KALRN: variants seen among roughly 807,000 people sequenced by gnomAD.
The protein encoded by KALRN is kalirin.
In KALRN, 70 loss-of-function variants were observed where a neutral mutation model predicts 353.7. The observed-to-expected ratio is 0.20, with a 90% confidence interval of 0.16 to 0.24. The LOEUF is 0.24. Among genes scored for constraint, KALRN ranks in the 10% least tolerant of loss-of-function variants. The pLI, the probability that KALRN is intolerant of heterozygous loss-of-function variation, is 1.00. For synonymous variants in KALRN, 1,391 were observed against 1,434.8 expected (o/e 0.97, Z 0.69); for missense variants, 2,791 against 3,756.7 (o/e 0.74, Z 6.72).
At chr3:124,452,678 T>A (rs12634095) in intron 21 of KALRN, among the ~76,000 whole-genome samples, 2 of 151,924 alleles carry the variant, frequency 1.3e-5, no homozygotes, top group Non-Finnish European at 2.9e-5. Context: ...TGGAGCCGCA[T>A]GGGGAAGGGC....
At chr3:124,619,346 T>C (rs1412756516) in intron 34 of KALRN, among the ~76,000 whole-genome samples, 1 of 152,168 alleles carries the variant, frequency 6.6e-6, no homozygotes, top group Non-Finnish European at 1.5e-5. Flanking sequence ...GGTTGCTGTA[T>C]CTTGGTTACT....
chr3:124,399,340 G>A (rs532488668), intron 13 of KALRN, among the ~76,000 whole-genome samples: 3 of 152,154 alleles, frequency 2.0e-5, no homozygotes, highest in East Asian at 3.9e-4. Flanking sequence ...GTTTCACCAC[G>A]TTGGTCAGGC....
intron 33 of KALRN, among the ~76,000 whole-genome samples, chr3:124,539,928 G>GA (rs34573335): frequency 1.5e-4 from 22 of 150,288 alleles, no homozygotes; most frequent in African/African-American, 4.7e-4. Context: ...TTTTTGGGGG[G>GA]GGGGACAGGG....
intron 2 of KALRN, 150 bp downstream of exon 2, chr3:124,228,214 G>A (rs1281775254): frequency 1.2e-5 from 9 of 728,228 alleles, no homozygotes; most frequent in Non-Finnish European, 2.2e-5. Flanking sequence ...TGAGGCAGAT[G>A]GGGAGGGAGA....
chr3:124,504,536 A>G (rs2064996370), intron 33 of KALRN, among the ~76,000 whole-genome samples: 1 of 152,218 alleles, frequency 6.6e-6, no homozygotes, highest in African/African-American at 2.4e-5. Context: ...ATCCACAGCA[A>G]CACAAAGTAA....
At chr3:124,140,862 C>T (rs2066539244) in intron 1 of KALRN, among the ~76,000 whole-genome samples, 1 of 152,184 alleles carries the variant, frequency 6.6e-6, no homozygotes, top group South Asian at 2.1e-4. Context: ...ACCTCCCCTT[C>T]CCCAGCCTCA....
intron 1 of KALRN, among the ~76,000 whole-genome samples, chr3:124,189,504 T>TAAAAAGCA (rs2074636993): frequency 6.6e-6 from 1 of 152,076 alleles, no homozygotes; most frequent in South Asian, 2.1e-4. Context: ...CAAGAGTGTG[T>TAAAAAGCA]AAAAAGCAAC....
At chr3:124,396,739 G>T (rs1262817457) in intron 12 of KALRN, among the ~76,000 whole-genome samples, 1 of 152,228 alleles carries the variant, frequency 6.6e-6, no homozygotes, top group Non-Finnish European at 1.5e-5. Context: ...ATGCCTAAGG[G>T]CATAAGGCTA....
chr3:124,455,732 C>A (rs1275124752), intron 22 of KALRN, among the ~76,000 whole-genome samples: 1 of 152,160 alleles, frequency 6.6e-6, no homozygotes, highest in African/African-American at 2.4e-5. Context: ...TGATTAGAGT[C>A]CCCAGTATAT....
chr3:124,460,706 G>A (rs904716550), intron 23 of KALRN, among the ~76,000 whole-genome samples: 3 of 152,136 alleles, frequency 2.0e-5, no homozygotes, highest in Non-Finnish European at 4.4e-5. Flanking sequence ...CCTACCTCTG[G>A]TTGTAATTCA....
At chr3:124,165,671 A>G (rs1004541011) in intron 1 of KALRN, among the ~76,000 whole-genome samples, 2 of 152,202 alleles carry the variant, frequency 1.3e-5, no homozygotes, top group Admixed American at 6.5e-5. Context: ...TTATTAGCAT[A>G]GCTCCTGTAC....
intron 1 of KALRN, among the ~76,000 whole-genome samples, chr3:124,148,298 G>T (rs1560079890): frequency 6.6e-6 from 1 of 152,220 alleles, no homozygotes. Flanking sequence ...CTTATGGACA[G>T]AAATAGGATA....
At chr3:124,247,150 G>A (rs1381759845) in intron 3 of KALRN, among the ~76,000 whole-genome samples, 3 of 152,062 alleles carry the variant, frequency 2.0e-5, no homozygotes, top group African/African-American at 7.2e-5. Context: ...TGCCTTTATT[G>A]TACACTCTTC....
At chr3:124,038,804 A>G (rs939087155) in intron 1 of KALRN, among the ~76,000 whole-genome samples, 4 of 152,174 alleles carry the variant, frequency 2.6e-5, no homozygotes, top group African/African-American at 9.7e-5. Flanking sequence ...TGACTTTCTT[A>G]ATTCTATAAG....
At chr3:124,577,175 C>A (rs2074196750) in intron 34 of KALRN, among the ~76,000 whole-genome samples, 1 of 151,344 alleles carries the variant, frequency 6.6e-6, no homozygotes, top group Non-Finnish European at 1.5e-5. Context: ...CTACCTTGAA[C>A]CTGGTTCAGA....
At chr3:124,226,344 T>G (rs2078499655) in intron 1 of KALRN, among the ~76,000 whole-genome samples, 2 of 152,368 alleles carry the variant, frequency 1.3e-5, no homozygotes, top group Admixed American at 1.3e-4. Flanking sequence ...AGAAACAGGA[T>G]AGAAAGTTCA....
intron 57 of KALRN, among the ~76,000 whole-genome samples, chr3:124,705,367 A>G (rs2062552872): frequency 6.6e-6 from 1 of 152,176 alleles, no homozygotes; most frequent in Admixed American, 6.5e-5. Context: ...TTTCACAGAA[A>G]TACAGATGTT....
intron 33 of KALRN, among the ~76,000 whole-genome samples, chr3:124,552,199 T>C (rs941531949): frequency 1.3e-5 from 2 of 152,246 alleles, no homozygotes; most frequent in Admixed American, 6.5e-5. Flanking sequence ...ATTTGCTTTC[T>C]GAATCAAAGC....
intron 5 of KALRN, among the ~76,000 whole-genome samples, chr3:124,280,758 C>G (rs1368133392): frequency 2.0e-5 from 3 of 152,156 alleles, no homozygotes; most frequent in African/African-American, 4.8e-5. Context: ...AGGAGGATGT[C>G]TTCTCACATG....
Sources: allele counts gnomAD v4.1 joint callset (sites outside exome capture counted in the v4.1 genomes callset), GRCh38; gene constraint gnomAD v4.1.1; transcripts MANE v1.5; gene names NCBI Gene and HGNC (gene_info 2026-07-23, HGNC 2026-07-21).